NLGN1: variants seen among roughly 807,000 people sequenced by gnomAD.
NLGN1 encodes the protein neuroligin-1.
NLGN1 carries 12 observed loss-of-function variants against 65.5 expected under a neutral mutation model. That is an observed-to-expected ratio of 0.18 (90% CI 0.12 to 0.30). The LOEUF is 0.30. Ranked by LOEUF, NLGN1 falls within the 10% of genes least tolerant of loss-of-function variation. NLGN1 has a pLI of 1.00. For synonymous variants in NLGN1, 350 were observed against 359.5 expected (o/e 0.97, Z 0.30); for missense variants, 750 against 1,007.1 (o/e 0.74, Z 3.46).
intron 4 of NLGN1, among the ~76,000 whole-genome samples, chr3:174,235,669 A>G (rs183679621): frequency 6.6e-6 from 1 of 152,272 alleles, no homozygotes; most frequent in Non-Finnish European, 1.5e-5. Context: ...GTGATTACAA[A>G]TAGGACATAT....
At position 173,669,517 on chromosome 3, in the gene NLGN1, G is replaced by C. The variant is rs1444928636; in HGVS notation, c.493+64426G>C. Among the ~76,000 whole-genome samples the C allele has an allele frequency of 2.0e-5, 3 of 152,058 alleles. No homozygotes were observed. In the East Asian group the frequency reaches 5.8e-4, roughly 29 times the overall value. On this transcript the variant is annotated intron_variant, in intron 3 of 6. Transcript: ENST00000457714. Reference sequence around the variant, plus strand: ...GTGTGCATGACTGTCTCTCCACTTGGCTTTCTTTTTATATGGATGTCAGTC... The same window carrying C: ...GTGTGCATGACTGTCTCTCCACTTGCCTTTCTTTTTATATGGATGTCAGTC...
intron 4 of NLGN1, among the ~76,000 whole-genome samples, chr3:173,859,765 AATT>A (rs1728702771): frequency 6.6e-6 from 1 of 151,996 alleles, no homozygotes; most frequent in Non-Finnish European, 1.5e-5. Context: ...ATAAATTTGA[AATT>A]ATTATTCAAG....
intron 4 of NLGN1, among the ~76,000 whole-genome samples, chr3:173,919,955 T>C (rs1741625915): frequency 6.6e-6 from 1 of 152,046 alleles, no homozygotes; most frequent in Non-Finnish European, 1.5e-5. Flanking sequence ...TGTACTTAAT[T>C]TAATCAAAGG....
At chr3:174,033,307 AAC>A (rs1730431710) in intron 4 of NLGN1, among the ~76,000 whole-genome samples, 1 of 152,212 alleles carries the variant, frequency 6.6e-6, no homozygotes, top group African/African-American at 2.4e-5. Context: ...ATTGAACAAA[AAC>A]ACAAATATTA....
intron 4 of NLGN1, among the ~76,000 whole-genome samples, chr3:173,871,405 G>A (rs915725364): frequency 2.0e-5 from 3 of 152,134 alleles, no homozygotes; most frequent in Non-Finnish European, 2.9e-5. Context: ...CAGGAAGTAT[G>A]AAATTAAATG....
intron 2 of NLGN1, among the ~76,000 whole-genome samples, chr3:173,445,086 G>A (rs1251729771): frequency 1.3e-5 from 2 of 151,498 alleles, no homozygotes; most frequent in Non-Finnish European, 2.9e-5. Flanking sequence ...GGCTAAAACG[G>A]TGAAACCCCG....
At chr3:173,544,558 G>T (rs1367048365) in intron 2 of NLGN1, among the ~76,000 whole-genome samples, 1 of 151,862 alleles carries the variant, frequency 6.6e-6, no homozygotes, top group African/African-American at 2.4e-5. Flanking sequence ...ACAAGGAAAG[G>T]ATTTAATTTG....
At chr3:173,980,240 G>A (rs1370361221) in intron 4 of NLGN1, among the ~76,000 whole-genome samples, 1 of 151,894 alleles carries the variant, frequency 6.6e-6, no homozygotes, top group East Asian at 1.9e-4. Context: ...TGTATACACT[G>A]AACAAAAGTA....
At chr3:173,627,428 A>G (rs1300359238) in intron 3 of NLGN1, among the ~76,000 whole-genome samples, 1 of 151,802 alleles carries the variant, frequency 6.6e-6, no homozygotes, top group African/African-American at 2.4e-5. Flanking sequence ...CACTTTCTTT[A>G]TCCATGTGTT....
intron 4 of NLGN1, among the ~76,000 whole-genome samples, chr3:174,049,076 CT>C (rs1246594106): frequency 6.6e-6 from 1 of 151,946 alleles, no homozygotes; most frequent in Non-Finnish European, 1.5e-5. Context: ...AAAATTACAC[CT>C]ACAAGACAAA....
intron 3 of NLGN1, among the ~76,000 whole-genome samples, chr3:173,768,884 A>G (rs572931979): frequency 1.3e-5 from 2 of 152,098 alleles, no homozygotes; most frequent in African/African-American, 4.8e-5. Context: ...TCAAGCTATC[A>G]TTCCACCCCA....
intron 4 of NLGN1, among the ~76,000 whole-genome samples, chr3:173,835,587 A>ACACT (rs1237557811): frequency 6.7e-6 from 1 of 149,706 alleles, no homozygotes; most frequent in African/African-American, 2.5e-5. Flanking sequence ...ACATACACAC[A>ACACT]CACACACACA....
intron 4 of NLGN1, among the ~76,000 whole-genome samples, chr3:173,886,775 A>G (rs996968640): frequency 6.6e-6 from 1 of 152,040 alleles, no homozygotes; most frequent in Admixed American, 6.6e-5. Flanking sequence ...TCCTGACTCC[A>G]TAGGAGGTAT....
At chr3:173,993,143 T>G (rs1371989467) in intron 4 of NLGN1, among the ~76,000 whole-genome samples, 4 of 152,224 alleles carry the variant, frequency 2.6e-5, no homozygotes, top group Non-Finnish European at 1.5e-5. Context: ...GGACACAGTT[T>G]AATACTCTCG....
Position 173,890,699 on chromosome 3 carries a change from A to G in NLGN1, c.646+82867A>G, listed in dbSNP as rs150328405. ...CTAAAACCTTTTTTGCCCTACTTCA[A>G]CCTGACGAAAAGGTTTACCTCCTAG... On this transcript the variant is annotated intron_variant, in intron 4 of 6. Coordinates refer to ENST00000457714, the Ensembl canonical transcript of NLGN1. Among the ~76,000 whole-genome samples the G allele has an allele frequency of 4.4e-3, 674 of 152,272 alleles. 17 individuals are homozygous for G. The highest frequency in any genetic ancestry group is 0.035 in the Admixed American group (530 of 15,286).
At chr3:173,625,338 C>T (rs1227457705) in intron 3 of NLGN1, among the ~76,000 whole-genome samples, 1 of 151,992 alleles carries the variant, frequency 6.6e-6, no homozygotes, top group Admixed American at 6.6e-5. Context: ...TATTTCCTGT[C>T]CCCTCCCCCC....
At chr3:173,498,033 C>T (rs1475811530) in intron 2 of NLGN1, among the ~76,000 whole-genome samples, 1 of 151,684 alleles carries the variant, frequency 6.6e-6, no homozygotes, top group Admixed American at 6.6e-5. Flanking sequence ...ATGTCAGTTT[C>T]TCTAAACCCT....
intron 3 of NLGN1, among the ~76,000 whole-genome samples, chr3:173,646,074 G>A (rs972161962): frequency 1.3e-5 from 2 of 152,030 alleles, no homozygotes; most frequent in Admixed American, 1.3e-4. Context: ...TGAGGAGAGG[G>A]GTCTGTCAGA....
At chr3:173,680,828 G>A (rs1165787815) in intron 3 of NLGN1, among the ~76,000 whole-genome samples, 4 of 152,112 alleles carry the variant, frequency 2.6e-5, no homozygotes, top group African/African-American at 2.4e-5. Context: ...AGAACAGAAC[G>A]TTCTGAACAA....
Sources: gnomAD v4.1 joint callset for allele counts (sites outside exome capture counted in the v4.1 genomes callset) on GRCh38, gnomAD v4.1.1 for gene constraint, MANE v1.5 for transcripts, NCBI Gene and HGNC (gene_info 2026-07-23, HGNC 2026-07-21) for gene names.